Variants in SUN3 observed in about 807,000 individuals in gnomAD.
SUN3 encodes Sad1 and UNC84 domain containing 3.
In SUN3, 36 loss-of-function variants were observed where a neutral mutation model predicts 48.2. The observed-to-expected ratio is 0.75, with a 90% confidence interval of 0.57 to 0.99. The LOEUF (loss-of-function observed/expected upper bound fraction) is 0.99. Ranked by LOEUF, SUN3 falls within the 50% of genes least tolerant of loss-of-function variation. The pLI is 0.00. For synonymous variants in SUN3, 148 were observed against 147.9 expected (o/e 1.00, Z 0.00); for missense variants, 419 against 433.1 (o/e 0.97, Z 0.29).
chr7:48,028,479 C>CAAAAAA (rs55997019), intron 1 of SUN3, among the ~76,000 whole-genome samples: 15 of 45,260 alleles, frequency 3.3e-4, no homozygotes, highest in African/African-American at 6.7e-4. Context: ...AGCCCAATGA[C>CAAAAAA]AAAAAAAAAA....
rs1308896651 is a variant in SUN3, at chr7:47,987,212, C to T, written c.*118G>A. 1.9e-6 allele frequency: 2 copies of T among 1,055,074 alleles called. No homozygotes were observed. The highest frequency in any genetic ancestry group is 2.6e-6 in the Non-Finnish European group (2 of 773,846). 65.4% of individuals were successfully genotyped at this position (1,055,074 alleles called of 1,614,324 possible). A position where few individuals can be genotyped will look rare whatever the true frequency, so the allele number is the denominator to read the frequency against. ...TTACTTTTTACAGGCAAGTATGAAC[C>T]ACTTTGAGGTTTTCTTCCCACTCCC... On this transcript the variant is annotated 3_prime_UTR_variant, in exon 10 of 10. Transcript: ENST00000297325.
intron 8 of SUN3, among the ~76,000 whole-genome samples, chr7:47,989,351 A>T (rs1272504182): frequency 1.3e-5 from 2 of 152,238 alleles, no homozygotes; most frequent in African/African-American, 4.8e-5. Context: ...CCAGATTTTG[A>T]TCACACAAAT....
intron 3 of SUN3, among the ~76,000 whole-genome samples, chr7:48,013,346 T>A (rs1350470068): frequency 1.3e-5 from 2 of 152,234 alleles, no homozygotes; most frequent in Non-Finnish European, 2.9e-5. Flanking sequence ...ATATATTTAG[T>A]GTTCTTAGGA....
chr7:48,002,789 C>T (rs116659908), intron 6 of SUN3, among the ~76,000 whole-genome samples: 3,705 of 152,214 alleles, frequency 0.024, 147 homozygotes, highest in African/African-American at 0.084. Context: ...ATGTCTTTGT[C>T]GTGATATCTT....
rs765732753 is a variant in SUN3 at position 48,007,194 on chromosome 7, C to A, written c.463G>T (p.Asp155Tyr). ...DNNHNWNTHG[D>Y]PVEDPDHTEE... ...GTGTGGTCCGGGTCCTCCACAGGGT[C>A]TCCATGGGTGTTCCAGTTGTGATTA... The change falls in exon 5 of 10, where the codon GAC (aspartate) becomes TAC (tyrosine). Residue 155 changes from aspartate (D) to tyrosine (Y), a missense_variant. Asp to Tyr is a radical substitution (Grantham distance 160). Transcript: ENST00000297325. 3.0e-5 allele frequency: 48 copies of A among 1,612,122 alleles called. No homozygotes were observed. The Admixed American group carries it at 7.5e-4, about 25-fold the overall frequency.
chr7:48,013,564 G>A (rs1789735865), intron 3 of SUN3, among the ~76,000 whole-genome samples: 1 of 152,098 alleles, frequency 6.6e-6, no homozygotes, highest in African/African-American at 2.4e-5. Flanking sequence ...TAAGCCATAG[G>A]ATGTTTGTGT....
chr7:48,027,325 T>C (rs777091275), intron 1 of SUN3, among the ~76,000 whole-genome samples: 6 of 152,212 alleles, frequency 3.9e-5, no homozygotes, highest in Admixed American at 2.0e-4. Context: ...TTCTTGTACA[T>C]GGTTTCTGAT....
chr7:48,010,156 G>T (rs1001095416), intron 3 of SUN3, among the ~76,000 whole-genome samples: 1 of 152,028 alleles, frequency 6.6e-6, no homozygotes, highest in Admixed American at 6.6e-5. Flanking sequence ...ATGCTCATAG[G>T]CACACATGCA....
At chr7:47,991,195 G>C (rs1226738293) in intron 8 of SUN3, 8 of 348,586 alleles carry the variant, frequency 2.3e-5, no homozygotes, top group Non-Finnish European at 3.9e-5. Context: ...GGGATCACAG[G>C]AGCAGATACT....
At chr7:48,028,067 A>G (rs1790183233) in intron 1 of SUN3, among the ~76,000 whole-genome samples, 1 of 152,164 alleles carries the variant, frequency 6.6e-6, no homozygotes, top group South Asian at 2.1e-4. Flanking sequence ...GGATTCTGCC[A>G]TTTGGGGCAA....
At chr7:48,020,984 A>T (rs898210739) in intron 2 of SUN3, among the ~76,000 whole-genome samples, 1 of 152,194 alleles carries the variant, frequency 6.6e-6, no homozygotes, top group Non-Finnish European at 1.5e-5. Context: ...TATTCTAAGC[A>T]AAAAGAAGAA....
At chr7:47,990,941 T>C (rs1583740288) in intron 8 of SUN3, 1 of 388,240 alleles carries the variant, frequency 2.6e-6, no homozygotes, top group Non-Finnish European at 4.8e-6. Context: ...GACACTGAGA[T>C]CTACTTGAGG....
intron 3 of SUN3, among the ~76,000 whole-genome samples, chr7:48,014,901 T>G (rs1454009191): frequency 6.6e-6 from 1 of 152,184 alleles, no homozygotes; most frequent in Non-Finnish European, 1.5e-5. Flanking sequence ...GAGACAAAAT[T>G]TCTTCTTTCT....
Position 47,994,346 on chromosome 7 carries a change from A to G in SUN3, c.830T>C (p.Ile277Thr). 3.1e-6 allele frequency: 5 copies of G among 1,613,468 alleles called. No individual in the cohort carries two copies. The highest frequency in any genetic ancestry group is 3.4e-6 in the Non-Finnish European group (4 of 1,179,808). The change falls in exon 8 of 10, where the codon ATC becomes ACC. Residue 277 changes from isoleucine (I) to threonine (T), a missense_variant. Transcript: ENST00000297325. ...ISEKVSPSGN[I>T]SSAPKEFSVY... ...AGAAAATTCCTTGGGTGCACTGGAG[A>G]TGTTTCCTGACGGAGACACCTTCTC...
intron 1 of SUN3, 43 bp downstream of exon 1, chr7:48,028,774 A>G (rs1172991062): frequency 6.2e-7 from 1 of 1,604,938 alleles, no homozygotes; most frequent in Non-Finnish European, 8.5e-7. Context: ...GTAACACATA[A>G]AACCTACAAT....
At chr7:47,994,166 ACTCT>A (rs1789138984) in intron 8 of SUN3, 145 bp downstream of exon 8, 1 of 653,564 alleles carries the variant, frequency 1.5e-6, no homozygotes, top group Non-Finnish European at 2.5e-6. Flanking sequence ...ATTTGGTCCA[ACTCT>A]CTCTCTTTGT....
chr7:48,012,270 G>A (rs900244490), intron 3 of SUN3, among the ~76,000 whole-genome samples: 2 of 152,206 alleles, frequency 1.3e-5, no homozygotes, highest in African/African-American at 4.8e-5. Context: ...CATGGATTAA[G>A]GTAGGGTTTG....
chr7:48,007,053 T>C (rs941135400), intron 5 of SUN3, 112 bp downstream of exon 5: 2 of 1,095,528 alleles, frequency 1.8e-6, no homozygotes, highest in Admixed American at 2.8e-5. Flanking sequence ...GACTTCCCAC[T>C]GGGAGAAGAA....
At chr7:48,021,326 G>A (rs1210876192) in intron 2 of SUN3, among the ~76,000 whole-genome samples, 1 of 151,966 alleles carries the variant, frequency 6.6e-6, no homozygotes, top group Non-Finnish European at 1.5e-5. Flanking sequence ...AACATTGGGG[G>A]ACAATCTCCA....
Sources: gnomAD v4.1 joint callset for allele counts (sites outside exome capture counted in the v4.1 genomes callset) on GRCh38, gnomAD v4.1.1 for gene constraint, MANE v1.5 for transcripts, NCBI Gene and HGNC (gene_info 2026-07-23, HGNC 2026-07-21) for gene names.